The following KHDRBS2 variants were observed in gnomAD, a reference collection of about 807,000 sequenced individuals.
KHDRBS2 encodes the protein KH RNA binding domain containing, signal transduction associated 2.
A neutral mutation model predicts 44.3 loss-of-function variants in KHDRBS2; 26 were observed. The ratio of observed to expected loss-of-function variants is 0.59; its 90% confidence interval spans 0.43 to 0.81. KHDRBS2 has a LOEUF of 0.81. Among genes scored for constraint, KHDRBS2 ranks in the 40% least tolerant of loss-of-function variants. The pLI, the probability that KHDRBS2 is intolerant of heterozygous loss-of-function variation, is 0.00. For synonymous variants in KHDRBS2, 194 were observed against 151.1 expected, an observed-to-expected ratio of 1.28 and a Z score of -2.08; for missense variants, 476 against 433.1, an observed-to-expected ratio of 1.10 and a Z score of -0.88.
intron 3 of KHDRBS2, among the ~76,000 whole-genome samples, chr6:62,025,308 T>G (rs1783085667): frequency 6.6e-6 from 1 of 151,776 alleles, no homozygotes; most frequent in Non-Finnish European, 1.5e-5. Context: ...TCACTATTTT[T>G]TCAAAATTTA....
At chr6:61,891,255 T>C (rs1180338480) in intron 6 of KHDRBS2, among the ~76,000 whole-genome samples, 1 of 152,240 alleles carries the variant, frequency 6.6e-6, no homozygotes, top group African/African-American at 2.4e-5. Flanking sequence ...TACAATGATC[T>C]GGCTTGCATC....
At chr6:62,282,527 T>A (rs1488978828) in intron 1 of KHDRBS2, among the ~76,000 whole-genome samples, 2 of 152,124 alleles carry the variant, frequency 1.3e-5, no homozygotes, top group African/African-American at 4.8e-5. Context: ...ACTGAATATA[T>A]AAATCTGAAC....
At chr6:61,828,811 T>C (rs1329159630) in intron 6 of KHDRBS2, among the ~76,000 whole-genome samples, 1 of 152,242 alleles carries the variant, frequency 6.6e-6, no homozygotes, top group Non-Finnish European at 1.5e-5. Flanking sequence ...TATCTTTGTA[T>C]ATTTTTGCTA....
At chr6:61,920,629 G>T (rs1313990586) in intron 4 of KHDRBS2, among the ~76,000 whole-genome samples, 5 of 151,846 alleles carry the variant, frequency 3.3e-5, no homozygotes, top group Non-Finnish European at 7.4e-5. Context: ...ATGTTTTTTG[G>T]CTATTTATCC....
rs557343064 is a variant in KHDRBS2 at position 62,058,356 on chromosome 6, A to C, written c.220-10362T>G. On this transcript the variant is annotated intron_variant, in intron 2 of 8. Coordinates refer to ENST00000281156, the MANE Select transcript of KHDRBS2 (RefSeq NM_152688.4). Reference sequence around the variant, plus strand: ...TGATACTCAAATTCCTTTTGTCCTAACAATTGAAAATATTGGAATGTTACT... The same window carrying C: ...TGATACTCAAATTCCTTTTGTCCTACCAATTGAAAATATTGGAATGTTACT... Among the ~76,000 whole-genome samples the C allele has an allele frequency of 1.8e-3, 275 of 152,024 alleles. 10 individuals are homozygous for C. The South Asian group carries it at 0.052, about 29-fold the overall frequency.
the KHDRBS2 span, among the ~76,000 whole-genome samples, chr6:61,672,332 A>T: frequency 6.6e-6 from 1 of 152,064 alleles, no homozygotes. Flanking sequence ...TTATAGCAGC[A>T]TGATTTATAG....
At chr6:62,263,187 A>G (rs1838648964) in intron 1 of KHDRBS2, among the ~76,000 whole-genome samples, 1 of 151,752 alleles carries the variant, frequency 6.6e-6, no homozygotes, top group African/African-American at 2.4e-5. Flanking sequence ...AATTTTAAAA[A>G]ACACATTCAG....
chr6:62,111,436 A>G (rs1310222367), intron 2 of KHDRBS2, among the ~76,000 whole-genome samples: 1 of 152,034 alleles, frequency 6.6e-6, no homozygotes, highest in Non-Finnish European at 1.5e-5. Context: ...TCTTATATTA[A>G]ATTATTTGAT....
the KHDRBS2 span, among the ~76,000 whole-genome samples, chr6:61,567,658 C>CA: frequency 7.3e-5 from 11 of 150,184 alleles, no homozygotes; most frequent in East Asian, 2.0e-4. Flanking sequence ...AACAAACAAA[C>CA]AAAAAAAAGG....
chr6:62,201,321 G>T (rs532671358), intron 1 of KHDRBS2, among the ~76,000 whole-genome samples: 64 of 152,100 alleles, frequency 4.2e-4, no homozygotes, highest in Non-Finnish European at 7.8e-4. Flanking sequence ...AACAGAAAAG[G>T]TATAGTTAGA....
chr6:62,177,409 C>T lies in KHDRBS2; in HGVS notation c.92-97G>A, dbSNP rs182573167. The T allele has an allele frequency of 3.0e-4, 274 of 915,582 alleles. 2 individuals carry two copies. The East Asian group carries it at 6.4e-3, about 22-fold the overall frequency. 56.7% of individuals were successfully genotyped at this position (915,582 alleles called of 1,614,324 possible). Reference sequence around the variant, plus strand: ...TATCATAAATAATATTCATATTACTCCTCTTCTCAAATAAGATTTTGATGA... The same window carrying T: ...TATCATAAATAATATTCATATTACTTCTCTTCTCAAATAAGATTTTGATGA... On this transcript the variant is annotated intron_variant, in intron 1 of 8. Transcript: ENST00000281156.
chr6:62,118,065 C>T (rs926303375), intron 2 of KHDRBS2, among the ~76,000 whole-genome samples: 4 of 152,270 alleles, frequency 2.6e-5, no homozygotes, highest in South Asian at 2.1e-4. Context: ...CGTGAGCCAC[C>T]GCGTCTGGCC....
At chr6:61,702,103 T>C (rs1768778067) in intron 7 of KHDRBS2, among the ~76,000 whole-genome samples, 1 of 151,968 alleles carries the variant, frequency 6.6e-6, no homozygotes, top group South Asian at 2.1e-4. Flanking sequence ...ACTAGAGCAT[T>C]GGGCTATAGA....
In KHDRBS2 at chr6:61,801,148, G is replaced by C. The variant is rs374656574; in HGVS notation, c.811-68384C>G. 2.2e-3 allele frequency among the ~76,000 whole-genome samples: 342 copies of C among 152,082 alleles called. 2 individuals are homozygous for C. The highest frequency in any genetic ancestry group is 8.0e-3 in the African/African-American group (333 of 41,496). On this transcript the variant is annotated intron_variant, in intron 6 of 8. Coordinates refer to ENST00000281156, the MANE Select transcript of KHDRBS2 (RefSeq NM_152688.4). ...TCAATAGTTTTCATTCTTTGCTTTA[G>C]TTTTAGGTAACATAATATATGAAAA...
chr6:61,552,957 T>C, the KHDRBS2 span, among the ~76,000 whole-genome samples: 1 of 151,928 alleles, frequency 6.6e-6, no homozygotes, highest in Non-Finnish European at 1.5e-5. Context: ...GCCTGACCTG[T>C]TATTGTTGTT....
chr6:61,732,520 T>C (rs1774645965), intron 7 of KHDRBS2, among the ~76,000 whole-genome samples, 162 bp downstream of exon 7: 1 of 152,176 alleles, frequency 6.6e-6, no homozygotes, highest in Non-Finnish European at 1.5e-5. Context: ...GTTATTATAG[T>C]TTAACTCTCA....
At position 62,024,214 on chromosome 6, in the gene KHDRBS2, A is replaced by G. The variant is rs1445193665; in HGVS notation, c.336+23664T>C. On this transcript the variant is annotated intron_variant, in intron 3 of 8. Coordinates refer to ENST00000281156, the MANE Select transcript of KHDRBS2 (RefSeq NM_152688.4). ...TACCTAACTGAATATTACTGTAATA[A>G]CTAAGTAATGATTTGTGACTGTAAT... Among the ~76,000 whole-genome samples, 4 of 151,602 alleles carry G rather than the reference A, an allele frequency of 2.6e-5. No homozygotes were observed. In the East Asian group the frequency reaches 5.8e-4, roughly 22 times the overall value.
intron 2 of KHDRBS2, among the ~76,000 whole-genome samples, chr6:62,061,613 C>A (rs1437885735): frequency 6.6e-6 from 1 of 150,686 alleles, no homozygotes; most frequent in African/African-American, 2.4e-5. Context: ...AACATTTTTT[C>A]CTTCATTTCA....
At chr6:61,968,814 T>G (rs1362671693) in intron 4 of KHDRBS2, among the ~76,000 whole-genome samples, 1 of 152,028 alleles carries the variant, frequency 6.6e-6, no homozygotes, top group Non-Finnish European at 1.5e-5. Flanking sequence ...TCGGGTAGTT[T>G]AAGTAACCAT....
Sources: gnomAD v4.1 joint callset for allele counts (sites outside exome capture counted in the v4.1 genomes callset) on GRCh38, gnomAD v4.1.1 for gene constraint, MANE v1.5 for transcripts, NCBI Gene and HGNC (gene_info 2026-07-23, HGNC 2026-07-21) for gene names.